DDR2: variants seen among roughly 807,000 people sequenced by gnomAD.
DDR2 encodes discoidin domain-containing receptor 2.
DDR2 carries 27 observed loss-of-function variants against 94.9 expected under a neutral mutation model. That is an observed-to-expected ratio of 0.28 (90% CI 0.21 to 0.39). The LOEUF (loss-of-function observed/expected upper bound fraction) is 0.39. Among genes scored for constraint, DDR2 ranks in the 10% least tolerant of loss-of-function variants. The pLI is 1.00. For missense variants in DDR2, 783 were observed against 1,076.0 expected, an observed-to-expected ratio of 0.73 and a Z score of 3.81; for synonymous variants, 382 against 377.2, an observed-to-expected ratio of 1.01 and a Z score of -0.15.
chr1:162,714,967 C>T lies in DDR2; in HGVS notation c.-27-4070C>T, dbSNP rs1434099988. Among the ~76,000 whole-genome samples, 3 of 152,250 alleles carry T rather than the reference C, an allele frequency of 2.0e-5. No individual in the cohort carries two copies. The South Asian group carries it at 6.2e-4, about 32-fold the overall frequency. ...AAATAAGTGGGTAGAGAAGGGCTTT[C>T]CTAGCAGCTCCTTGACATGCTTCCA... On this transcript the variant is annotated intron_variant, in intron 2 of 17. Transcript: ENST00000367921.
chr1:162,730,056 T>TTG (rs1661951881), intron 3 of DDR2, among the ~76,000 whole-genome samples: 3 of 136,700 alleles, frequency 2.2e-5, no homozygotes, highest in East Asian at 2.2e-4. Flanking sequence ...TTTTTTTTTT[T>TTG]GCAAAAAAAA....
intron 9 of DDR2, among the ~76,000 whole-genome samples, chr1:162,765,670 T>A (rs1436200775): frequency 6.6e-6 from 1 of 151,604 alleles, no homozygotes; most frequent in Non-Finnish European, 1.5e-5. Flanking sequence ...CGCTATATTC[T>A]GTCTATATTT....
chr1:162,717,242 G>C (rs1285607712), intron 2 of DDR2, among the ~76,000 whole-genome samples: 1 of 152,024 alleles, frequency 6.6e-6, no homozygotes, highest in Non-Finnish European at 1.5e-5. Flanking sequence ...CACCATGATG[G>C]CCAGGCTGGT....
At position 162,753,176 on chromosome 1, in the gene DDR2, C is replaced by A. The variant is rs370356750; in HGVS notation, c.164C>A (p.Ser55Tyr). The A allele has an allele frequency of 1.9e-6, 3 of 1,613,328 alleles. No homozygotes were observed. The African/African-American group carries it at 4.0e-5, about 22-fold the overall frequency. The change falls in exon 4 of 18, where the codon TCC (serine) becomes TAC (tyrosine). Residue 55 changes from serine to tyrosine, a missense_variant. Physicochemically the swap from Ser to Tyr is moderately radical, Grantham distance 144 (BLOSUM62 -2). Transcript: ENST00000367921. ...DITASSQWSE[S>Y]TAAKYGRLDS... ...ACAGCTTCCAGTCAGTGGTCAGAGTCCACAGCTGCCAAATATGGAAGGTGA... is the reference window on the plus strand; with the variant it reads ...ACAGCTTCCAGTCAGTGGTCAGAGTACACAGCTGCCAAATATGGAAGGTGA...
intron 14 of DDR2, among the ~76,000 whole-genome samples, chr1:162,774,292 G>C (rs1647403788): frequency 6.6e-6 from 1 of 152,200 alleles, no homozygotes. Context: ...AAAGCTGGCT[G>C]TATGTGTCCC....
At position 162,704,279 on chromosome 1, in the gene DDR2, A is replaced by ATTGG. The variant is rs1429084601; in HGVS notation, c.-27-14758_-27-14757insTTGG. Among the ~76,000 whole-genome samples, 136 of 152,292 alleles carry ATTGG rather than the reference A, an allele frequency of 8.9e-4. 1 individual carries two copies. Among genetic ancestry groups the ATTGG allele is most frequent in the African/African-American group, 3.2e-3 (131 of 41,556 alleles). ...ATGCCTGTTCCATTCCCCAATCACC[A>ATTGG]GAAAATGCCTTGGAGCAATGGAGTC... On this transcript the variant is annotated intron_variant, in intron 2 of 17. Coordinates refer to ENST00000367921, the MANE Select transcript of DDR2 (RefSeq NM_006182.4).
At chr1:162,777,417 A>G (rs905265463) in intron 16 of DDR2, among the ~76,000 whole-genome samples, 3 of 152,128 alleles carry the variant, frequency 2.0e-5, no homozygotes, top group African/African-American at 7.2e-5. Flanking sequence ...TAATGCCTCT[A>G]TAATTTGATA....
chr1:162,698,567 A>G (rs1660293570), intron 2 of DDR2, among the ~76,000 whole-genome samples: 1 of 152,142 alleles, frequency 6.6e-6, no homozygotes, highest in Non-Finnish European at 1.5e-5. Context: ...TTTCCATTTC[A>G]AGCTGGGTTG....
intron 14 of DDR2, among the ~76,000 whole-genome samples, chr1:162,774,387 A>G (rs1647407835): frequency 6.6e-6 from 1 of 152,200 alleles, no homozygotes. Context: ...TAGTGAAAAA[A>G]AGTTTATTAT....
At chr1:162,711,575 G>T (rs1660917359) in intron 2 of DDR2, among the ~76,000 whole-genome samples, 1 of 152,192 alleles carries the variant, frequency 6.6e-6, no homozygotes, top group South Asian at 2.1e-4. Flanking sequence ...CTCCTGAGGG[G>T]CTTAGGAAGA....
In DDR2 at chr1:162,667,967, A is replaced by G. The variant is rs1225664167; in HGVS notation, c.-28+12593A>G. Among the ~76,000 whole-genome samples, 4 of 152,296 alleles carry G rather than the reference A, an allele frequency of 2.6e-5. No homozygotes were observed. In the East Asian group the frequency reaches 7.7e-4, roughly 29 times the overall value. On this transcript the variant is annotated intron_variant, in intron 2 of 17. Coordinates refer to ENST00000367921, the MANE Select transcript of DDR2 (RefSeq NM_006182.4). ...AGAGCATTGGAGAGAGGCTGGAAAG[A>G]AAAAGAACAATTCAGCCTGGAAAAA...
chr1:162,673,355 A>G (rs763667148), intron 2 of DDR2, among the ~76,000 whole-genome samples: 4 of 152,132 alleles, frequency 2.6e-5, no homozygotes, highest in Non-Finnish European at 5.9e-5. Context: ...GGCAGGGAAG[A>G]GCTCCATTAA....
intron 3 of DDR2, among the ~76,000 whole-genome samples, chr1:162,750,800 A>C (rs1393496582): frequency 6.6e-6 from 1 of 152,218 alleles, no homozygotes; most frequent in East Asian, 1.9e-4. Flanking sequence ...AAACAGAGAT[A>C]TAGACCAATG....
intron 2 of DDR2, among the ~76,000 whole-genome samples, chr1:162,687,508 A>G (rs540095862): frequency 6.6e-6 from 1 of 152,288 alleles, no homozygotes; most frequent in East Asian, 1.9e-4. Context: ...AATTTTACAC[A>G]TTGTTGGATG....
intron 2 of DDR2, among the ~76,000 whole-genome samples, chr1:162,712,828 C>T (rs929712405): frequency 6.6e-6 from 1 of 152,286 alleles, no homozygotes; most frequent in Admixed American, 6.5e-5. Context: ...CCAGTTCTTA[C>T]TCTGTGGTCT....
intron 2 of DDR2, among the ~76,000 whole-genome samples, chr1:162,685,620 G>A (rs986454902): frequency 1.3e-5 from 2 of 152,010 alleles, no homozygotes; most frequent in African/African-American, 4.8e-5. Flanking sequence ...GGGTGATCTC[G>A]GAGGTCCTTT....
chr1:162,720,207 T>A (rs1473890952), intron 3 of DDR2, among the ~76,000 whole-genome samples: 1 of 152,128 alleles, frequency 6.6e-6, no homozygotes. Context: ...GCTTAAATGT[T>A]CAATTTTATG....
chr1:162,731,753 A>T (rs1444176085), intron 3 of DDR2, among the ~76,000 whole-genome samples: 1 of 152,252 alleles, frequency 6.6e-6, no homozygotes, highest in Admixed American at 6.5e-5. Flanking sequence ...ACTTCTTTGT[A>T]TACATTATGT....
At chr1:162,717,048 GT>G (rs200748997) in intron 2 of DDR2, among the ~76,000 whole-genome samples, 159 of 144,812 alleles carry the variant, frequency 1.1e-3, no homozygotes, top group Middle Eastern at 3.5e-3. Flanking sequence ...TTCTAGAACA[GT>G]TTTTTTTTTT....
Sources: allele counts gnomAD v4.1 joint callset (sites outside exome capture counted in the v4.1 genomes callset), GRCh38; gene constraint gnomAD v4.1.1; transcripts MANE v1.5; gene names NCBI Gene and HGNC (gene_info 2026-07-23, HGNC 2026-07-21).